The following CDH18 variants were observed in gnomAD, a reference collection of about 807,000 sequenced individuals.
CDH18 encodes cadherin 18, also known as cadherin-18.
In CDH18, 31 loss-of-function variants were observed where a neutral mutation model predicts 67.9. The observed-to-expected ratio is 0.46, with a 90% CI of 0.34 to 0.62. The LOEUF (loss-of-function observed/expected upper bound fraction) is 0.62, where lower values mean the gene tolerates loss of function less well. Ranked by LOEUF, CDH18 falls within the 20% of genes least tolerant of loss-of-function variation. The pLI is 0.01. For synonymous variants in CDH18, 362 were observed against 347.2 expected, an observed-to-expected ratio of 1.04 and a Z score of -0.48; for missense variants, 890 against 975.5, an observed-to-expected ratio of 0.91 and a Z score of 1.17.
At chr5:20,354,988 G>A (rs762728731) in intron 1 of CDH18, among the ~76,000 whole-genome samples, 3 of 152,048 alleles carry the variant, frequency 2.0e-5, no homozygotes, top group Non-Finnish European at 2.9e-5. Flanking sequence ...GCCAATTACC[G>A]GGAAATGTTC....
chr5:19,488,024 T>C (rs905345126), intron 11 of CDH18, among the ~76,000 whole-genome samples: 10 of 152,164 alleles, frequency 6.6e-5, no homozygotes, highest in African/African-American at 2.4e-4. Flanking sequence ...ACAGAATACA[T>C]TAGTAGAATA....
At chr5:19,487,229 G>A (rs940762493) in intron 11 of CDH18, among the ~76,000 whole-genome samples, 3 of 152,122 alleles carry the variant, frequency 2.0e-5, no homozygotes, top group African/African-American at 7.2e-5. Context: ...TAGGTACATA[G>A]GTAAATGATA....
intron 2 of CDH18, among the ~76,000 whole-genome samples, chr5:20,177,631 G>T (rs952479496): frequency 6.6e-6 from 1 of 152,018 alleles, no homozygotes; most frequent in Non-Finnish European, 1.5e-5. Context: ...TGAGTTGGTA[G>T]ACTGAGCATG....
At chr5:20,389,797 C>A (rs966158959) in intron 1 of CDH18, among the ~76,000 whole-genome samples, 1 of 152,004 alleles carries the variant, frequency 6.6e-6, no homozygotes, top group Admixed American at 6.6e-5. Flanking sequence ...GAGATATAGA[C>A]CAATGGAAAA....
intron 11 of CDH18, among the ~76,000 whole-genome samples, chr5:19,498,836 C>T (rs976482271): frequency 6.6e-6 from 1 of 152,094 alleles, no homozygotes; most frequent in Non-Finnish European, 1.5e-5. Flanking sequence ...TAGCCATTCC[C>T]TCTTTTCTTG....
At chr5:20,067,760 T>C (rs1333105341) in intron 2 of CDH18, among the ~76,000 whole-genome samples, 1 of 152,122 alleles carries the variant, frequency 6.6e-6, no homozygotes, top group African/African-American at 2.4e-5. Flanking sequence ...ACGATGAACA[T>C]TCCCATATTT....
At chr5:19,656,991 G>A (rs1756492970) in intron 5 of CDH18, among the ~76,000 whole-genome samples, 1 of 151,992 alleles carries the variant, frequency 6.6e-6, no homozygotes, top group Non-Finnish European at 1.5e-5. Context: ...TGGGAATGAA[G>A]AAGCAGGCAA....
intron 10 of CDH18, among the ~76,000 whole-genome samples, chr5:19,510,499 A>G (rs1054122791): frequency 1.3e-5 from 2 of 152,182 alleles, no homozygotes; most frequent in African/African-American, 2.4e-5. Flanking sequence ...AAACTATTCA[A>G]TGTTAAAGGC....
chr5:20,269,204 G>A (rs980263362), intron 1 of CDH18, among the ~76,000 whole-genome samples: 84 of 151,806 alleles, frequency 5.5e-4, no homozygotes, highest in Admixed American at 3.5e-3. Flanking sequence ...CCAATCAGAA[G>A]GGCTGTTATT....
At chr5:19,945,060 G>A (rs963750829) in intron 2 of CDH18, among the ~76,000 whole-genome samples, 1 of 152,044 alleles carries the variant, frequency 6.6e-6, no homozygotes, top group Non-Finnish European at 1.5e-5. Flanking sequence ...CACATTCATG[G>A]TGGTGGTAAG....
intron 1 of CDH18, among the ~76,000 whole-genome samples, chr5:20,500,370 A>G (rs1561067616): frequency 6.6e-6 from 1 of 152,178 alleles, no homozygotes. Context: ...ACATCCTTCT[A>G]ACAAATGCTG....
chr5:20,025,046 A>G (rs1738772480), intron 2 of CDH18, among the ~76,000 whole-genome samples: 1 of 152,190 alleles, frequency 6.6e-6, no homozygotes, highest in Non-Finnish European at 1.5e-5. Flanking sequence ...ATCTTTCGTA[A>G]CATATCCTTG....
chr5:20,455,446 T>C (rs116911874), intron 1 of CDH18, among the ~76,000 whole-genome samples: 2 of 152,152 alleles, frequency 1.3e-5, no homozygotes, highest in East Asian at 3.9e-4. Context: ...AGGAAATTAT[T>C]AGGCAGGACA....
chr5:19,533,176 A>G (rs1361293323), intron 9 of CDH18, among the ~76,000 whole-genome samples: 1 of 152,234 alleles, frequency 6.6e-6, no homozygotes, highest in Admixed American at 6.5e-5. Context: ...ACTAAACAGC[A>G]TGCAGAAAGA....
At chr5:20,509,205 C>A (rs532144359) in intron 1 of CDH18, among the ~76,000 whole-genome samples, 14 of 152,238 alleles carry the variant, frequency 9.2e-5, no homozygotes. Flanking sequence ...TCCTCCCTAA[C>A]AGAAATTTTG....
In CDH18 at chr5:20,015,199, G is replaced by A. The variant is rs182078123; in HGVS notation, c.-517-23185C>T. On this transcript the variant is annotated intron_variant, in intron 2 of 14. Coordinates refer to the CDH18 transcript ENST00000507958. ...AGACACATGGCCTATTTGGCCAAGA[G>A]AGAATGGGCTAGATACTCTGGGTCA... Among the ~76,000 whole-genome samples, 71 of 152,214 alleles carry A rather than the reference G, an allele frequency of 4.7e-4. 1 individual carries two copies. Among genetic ancestry groups the A allele is most frequent in the Admixed American group, 4.2e-3 (64 of 15,268 alleles).
intron 1 of CDH18, among the ~76,000 whole-genome samples, chr5:20,561,756 G>GA (rs760931024): frequency 4.3e-4 from 65 of 151,806 alleles, no homozygotes; most frequent in Non-Finnish European, 8.0e-4. Context: ...ATTCAAAAGA[G>GA]AAAAAAATTA....
intron 11 of CDH18, among the ~76,000 whole-genome samples, chr5:19,499,179 C>A (rs1353785692): frequency 2.6e-5 from 4 of 152,110 alleles, no homozygotes; most frequent in Non-Finnish European, 5.9e-5. Context: ...TAAAAGAAAA[C>A]ATTACCACTT....
chr5:20,563,048 C>T (rs1411550382), intron 1 of CDH18, among the ~76,000 whole-genome samples: 1 of 150,636 alleles, frequency 6.6e-6, no homozygotes, highest in Non-Finnish European at 1.5e-5. Context: ...TTCCATAACA[C>T]ATGAAAAACT....
Sources: gnomAD v4.1 joint callset for allele counts (sites outside exome capture counted in the v4.1 genomes callset) on GRCh38, gnomAD v4.1.1 for gene constraint, MANE v1.5 for transcripts, NCBI Gene and HGNC (gene_info 2026-07-23, HGNC 2026-07-21) for gene names.